CD180: variants seen among roughly 807,000 people sequenced by gnomAD.
CD180 encodes CD180 molecule.
CD180 carries 11 observed loss-of-function variants against 10.7 expected under a neutral mutation model. The ratio of observed to expected loss-of-function variants is 1.03; its 90% CI spans 0.65 to 1.70. The LOEUF is 1.70. CD180 is among the 40% of genes most tolerant of loss of function. The pLI is 0.00. For missense variants in CD180, 729 were observed against 775.2 expected (o/e 0.94, Z 0.71); for synonymous variants, 286 against 294.6 (o/e 0.97, Z 0.30).
At chr5:67,185,062 TCACACACACACACA>T (rs57251966) in intron 2 of CD180, among the ~76,000 whole-genome samples, 3 of 145,008 alleles carry the variant, frequency 2.1e-5, no homozygotes, top group Non-Finnish European at 3.0e-5. Context: ...AAATACTGGA[TCACACACACACACA>T]CACACACACA....
rs754199147 is a variant in CD180 at position 67,184,384 on chromosome 5, G to C, written c.459C>G (p.Ser153Arg). 18 of 1,613,612 alleles carry C rather than the reference G, an allele frequency of 1.1e-5. No individual in the cohort carries two copies. Among genetic ancestry groups the C allele is most frequent in the Non-Finnish European group, 1.5e-5 (18 of 1,179,646 alleles). ...IPVHNLENLE[S>R]LYLGSNHISS... ...AAATATGGTTGCTTCCAAGATACAA[G>C]CTTTCCAAGTTTTCCAGATTGTGCA... The change falls in exon 3 of 3, where the codon AGC becomes AGG. Residue 153 changes from serine (S) to arginine (R), a missense_variant. Ser to Arg is a moderately radical substitution (Grantham distance 110). Transcript: ENST00000256447.
Position 67,183,331 on chromosome 5 carries a change from G to A in CD180, c.1512C>T (p.Ser504=). ...GGTCTATAGAGAGGAGACCACAAGA[G>A]GACAAAATCAGAACCTCCAAGCTGC... ...TVGSLEVLIL[S]SCGLLSIDQQ... The change falls in exon 3 of 3, where the codon TCC becomes TCT. Residue 504 remains serine (S), a synonymous_variant. Transcript: ENST00000256447. The A allele has an allele frequency of 4.3e-6, 7 of 1,614,198 alleles. No individual in the cohort carries two copies. Among genetic ancestry groups the A allele is most frequent in the Non-Finnish European group, 5.1e-6 (6 of 1,180,028 alleles).
Position 67,185,987 on chromosome 5 carries a change from T to G in CD180, c.121A>C (p.Asn41His). 1 of 1,602,806 alleles carries G rather than the reference T, an allele frequency of 6.2e-7. No homozygotes were observed. Among genetic ancestry groups the G allele is most frequent in the South Asian group, 1.1e-5 (1 of 87,958 alleles). Residue 41 changes from asparagine to histidine, a missense_variant, in exon 2 of 3, where the codon AAT becomes CAT. Asn to His is a moderately conservative substitution (Grantham distance 68). Transcript: ENST00000256447. Reference protein sequence around the residue: ...KEANKTYNCENLGLSEIPDTL... With the variant: ...KEANKTYNCEHLGLSEIPDTL... ...TCAGGGATTTCACTGAGACCTAAAT[T>G]TTCACAGTTATATGTTTTGTTGGCT...
chr5:67,191,888 A>T (rs2151168520), intron 1 of CD180, among the ~76,000 whole-genome samples: 1 of 152,336 alleles, frequency 6.6e-6, no homozygotes, highest in Non-Finnish European at 1.5e-5. Context: ...TTTAAAAATT[A>T]ATCTTGACTC....
rs1326721215 is a variant in CD180, at chr5:67,183,328, A to G, written c.1515T>C (p.Ser505=). The G allele has an allele frequency of 1.9e-6, 3 of 1,614,092 alleles. No homozygotes were observed. Among genetic ancestry groups the G allele is most frequent in the East Asian group, 2.2e-5 (1 of 44,896 alleles). ...VGSLEVLILS[S]CGLLSIDQQA... ...GCTGGTCTATAGAGAGGAGACCACAAGAGGACAAAATCAGAACCTCCAAGC... is the reference window on the plus strand; with the variant it reads ...GCTGGTCTATAGAGAGGAGACCACAGGAGGACAAAATCAGAACCTCCAAGC... The change falls in exon 3 of 3, where the codon TCT becomes TCC. Residue 505 remains serine, a synonymous_variant. Coordinates refer to ENST00000256447, the MANE Select transcript of CD180 (RefSeq NM_005582.3).
chr5:67,185,632 A>G (rs1455910974), intron 2 of CD180, among the ~76,000 whole-genome samples: 1 of 152,178 alleles, frequency 6.6e-6, no homozygotes, highest in Non-Finnish European at 1.5e-5. Context: ...AGTGCTATTG[A>G]TGCAACTGGT....
At position 67,186,468 on chromosome 5, in the gene CD180, TAAAAC is replaced by T. The variant is rs549601355; in HGVS notation, c.91-456_91-452del. On this transcript the variant is annotated intron_variant, in intron 1 of 2. Coordinates refer to ENST00000256447, the MANE Select transcript of CD180 (RefSeq NM_005582.3). ...TGTGTGTGAATTTTCTTATATTTGT[TAAAAC>T]AAACCATGCAAAAACCCAAAAACTG... Among the ~76,000 whole-genome samples the T allele has an allele frequency of 8.1e-4, 123 of 152,184 alleles. 2 individuals carry two copies. The highest frequency in any genetic ancestry group is 2.8e-3 in the African/African-American group (116 of 41,538).
At chr5:67,187,839 A>G (rs1742226463) in intron 1 of CD180, among the ~76,000 whole-genome samples, 1 of 152,138 alleles carries the variant, frequency 6.6e-6, no homozygotes, top group Admixed American at 6.6e-5. Context: ...TGGATCATGA[A>G]GATTCCACAC....
intron 1 of CD180, among the ~76,000 whole-genome samples, chr5:67,188,131 C>A (rs956477604): frequency 5.8e-4 from 88 of 151,880 alleles, no homozygotes; most frequent in African/African-American, 2.1e-3. Flanking sequence ...GATTGCACCA[C>A]TGCACTCCAG....
intron 1 of CD180, among the ~76,000 whole-genome samples, chr5:67,196,152 T>C (rs747396925): frequency 3.9e-5 from 6 of 152,218 alleles, no homozygotes; most frequent in Non-Finnish European, 8.8e-5. Flanking sequence ...CTGTCTTTAC[T>C]AATTCTCACC....
At chr5:67,193,951 C>T (rs533436204) in intron 1 of CD180, among the ~76,000 whole-genome samples, 1 of 152,296 alleles carries the variant, frequency 6.6e-6, no homozygotes, top group African/African-American at 2.4e-5. Context: ...AACCTATGTT[C>T]CTGATCACTG....
At chr5:67,193,815 G>C (rs1321496820) in intron 1 of CD180, among the ~76,000 whole-genome samples, 2 of 152,244 alleles carry the variant, frequency 1.3e-5, no homozygotes, top group Admixed American at 1.3e-4. Flanking sequence ...GCCTCCCGCT[G>C]ATGCAAGGAT....
chr5:67,183,459 G>T lies in CD180; in HGVS notation c.1384C>A (p.Gln462Lys). Residue 462 changes from glutamine (Q) to lysine (K), a missense_variant, in exon 3 of 3, where the codon CAG becomes AAG. Gln to Lys is a moderately conservative substitution (Grantham distance 53). Transcript: ENST00000256447. ...LTYCFLDTSN[Q>K]HLLAGLPVLR... ...ACTGGTAGGCCTGCTAGAAGATGCT[G>T]ATTGCTGGTATCAAGGAAGCAGTAA... is the stretch of plus-strand genomic sequence containing the variant. 6.2e-7 allele frequency: 1 copy of T among 1,614,240 alleles called. No individual in the cohort carries two copies. Among genetic ancestry groups the T allele is most frequent in the South Asian group, 1.1e-5 (1 of 91,088 alleles).
chr5:67,191,758 CAGAG>C (rs966343370), intron 1 of CD180, among the ~76,000 whole-genome samples: 1 of 151,844 alleles, frequency 6.6e-6, no homozygotes, highest in Non-Finnish European at 1.5e-5. Context: ...GAGAGAGAGA[CAGAG>C]AGAGAAAACA....
At chr5:67,187,777 G>A (rs1329087258) in intron 1 of CD180, among the ~76,000 whole-genome samples, 6 of 152,144 alleles carry the variant, frequency 3.9e-5, no homozygotes, top group African/African-American at 1.4e-4. Flanking sequence ...TTCATGTGTT[G>A]AGAACTTAAT....
rs1742405945 is a variant in CD180, at chr5:67,196,474, G to A, written c.90+78C>T. The stretch of plus-strand genomic sequence containing the variant: ...AGACACTAGATATTGGGATGCCAAG[G>A]CTCAGATTGGACTGCGTGCTAAATC... On this transcript the variant is annotated intron_variant, in intron 1 of 2. Transcript: ENST00000256447. 5.9e-6 allele frequency: 8 copies of A among 1,356,682 alleles called. No homozygotes were observed. The African/African-American group carries it at 7.2e-5, about 12-fold the overall frequency. The allele number at this position is 1,356,682 out of a possible 1,614,324, so 84.0% of individuals were successfully genotyped here.
chr5:67,185,908 G>A lies in CD180; in HGVS notation c.200C>T (p.Thr67Ile), dbSNP rs749605747. The change falls in exon 2 of 3, where the codon ACA becomes ATA. Residue 67 changes from threonine (T) to isoleucine (I), a missense_variant. Physicochemically the swap from Thr to Ile is moderately conservative, Grantham distance 89. Transcript: ENST00000256447. ...FLEFSFNFLP[T>I]IHNRTFSRLM... ...TCTGCTGAAGGTTCTATTGTGAATT[G>A]TAGGCAAAAAATTAAAGCTGAATTC... 2 of 1,611,618 alleles carry A rather than the reference G, an allele frequency of 1.2e-6. No individual in the cohort carries two copies. The highest frequency in any genetic ancestry group is 1.1e-5 in the South Asian group (1 of 90,692).
rs79775737 is a variant in CD180 at position 67,187,255 on chromosome 5, A to G, written c.91-1238T>C. On this transcript the variant is annotated intron_variant, in intron 1 of 2. Coordinates refer to ENST00000256447, the MANE Select transcript of CD180 (RefSeq NM_005582.3). The stretch of plus-strand genomic sequence containing the variant: ...TGCAGAGATGAAGTGAGTAGGCAAA[A>G]TGCTTATGATTGTCGAATATTGAGA... Among the ~76,000 whole-genome samples the G allele has an allele frequency of 8.2e-3, 1,256 of 152,320 alleles. 81 individuals carry two copies. The East Asian group carries it at 0.17, about 21-fold the overall frequency.
At position 67,196,499 on chromosome 5, in the gene CD180, C is replaced by T. The variant is rs1175188926; in HGVS notation, c.90+53G>A. The T allele has an allele frequency of 5.6e-6, 9 of 1,593,052 alleles. No individual in the cohort carries two copies. The Admixed American group carries it at 1.5e-4, about 27-fold the overall frequency. ...GCTCAGATTGGACTGCGTGCTAAATCTCAAAATTTTCAGACAGTTTAATCT... is the reference window on the plus strand; with the variant it reads ...GCTCAGATTGGACTGCGTGCTAAATTTCAAAATTTTCAGACAGTTTAATCT... On this transcript the variant is annotated intron_variant, in intron 1 of 2. Transcript: ENST00000256447.
Sources: allele counts gnomAD v4.1 joint callset (sites outside exome capture counted in the v4.1 genomes callset), GRCh38; gene constraint gnomAD v4.1.1; transcripts MANE v1.5; gene names NCBI Gene and HGNC (gene_info 2026-07-23, HGNC 2026-07-21).